The following SGMS1 variants were observed in gnomAD, a reference collection of about 807,000 sequenced individuals.
SGMS1 encodes sphingomyelin synthase 1, also known as phosphatidylcholine:ceramide cholinephosphotransferase 1.
Under a neutral mutation model 46.2 loss-of-function variants are expected in SGMS1, and 13 were observed. The observed-to-expected ratio is 0.28, with a 90% CI of 0.18 to 0.45. The LOEUF is 0.45. SGMS1 is among the 20% of genes least tolerant of loss of function. The probability of loss-of-function intolerance (pLI) is 1.00; values close to 1 mark genes in which losing one functional copy is unlikely to be tolerated. For missense variants in SGMS1, 324 were observed against 519.9 expected, an observed-to-expected ratio of 0.62 and a Z score of 3.66; for synonymous variants, 203 against 187.8, an observed-to-expected ratio of 1.08 and a Z score of -0.66.
intron 6 of SGMS1, among the ~76,000 whole-genome samples, chr10:50,360,326 A>C (rs1368569502): frequency 6.6e-6 from 1 of 152,220 alleles, no homozygotes; most frequent in Non-Finnish European, 1.5e-5. Flanking sequence ...ACAATAAGCT[A>C]TTAGCTTTAC....
intron 7 of SGMS1, among the ~76,000 whole-genome samples, chr10:50,327,914 C>G (rs1847555792): frequency 6.6e-6 from 1 of 152,096 alleles, no homozygotes; most frequent in South Asian, 2.1e-4. Flanking sequence ...ATTTACTTCT[C>G]TGAATCTCAA....
chr10:50,547,028 G>A (rs541295557), intron 2 of SGMS1, among the ~76,000 whole-genome samples: 85 of 152,162 alleles, frequency 5.6e-4, no homozygotes, highest in African/African-American at 2.0e-3. Flanking sequence ...GTTCAGAAAT[G>A]AGCCTAACAG....
chr10:50,464,391 A>C (rs1431436430), intron 4 of SGMS1, among the ~76,000 whole-genome samples: 1 of 152,152 alleles, frequency 6.6e-6, no homozygotes, highest in Admixed American at 6.5e-5. Flanking sequence ...AAGAACAAGG[A>C]AAGGTACTCT....
chr10:50,336,267 C>G (rs1432100905), intron 7 of SGMS1: 1 of 152,256 alleles, frequency 6.6e-6, no homozygotes, highest in African/African-American at 2.4e-5. Context: ...AGGCTCTGAG[C>G]CTAGATAGAT....
intron 2 of SGMS1, among the ~76,000 whole-genome samples, chr10:50,570,285 T>C (rs573628414): frequency 6.6e-6 from 1 of 152,316 alleles, no homozygotes; most frequent in East Asian, 1.9e-4. Flanking sequence ...GGCTCAATTA[T>C]GCAAACATCA....
chr10:50,368,904 A>T (rs1589410099), intron 6 of SGMS1, among the ~76,000 whole-genome samples: 2 of 152,234 alleles, frequency 1.3e-5, no homozygotes, highest in African/African-American at 4.8e-5. Flanking sequence ...GAAAGCCTTG[A>T]TTATATATTA....
intron 2 of SGMS1, among the ~76,000 whole-genome samples, chr10:50,569,170 G>C (rs1055480555): frequency 2.0e-5 from 3 of 151,838 alleles, no homozygotes; most frequent in African/African-American, 7.3e-5. Flanking sequence ...GAGCCTAGGG[G>C]AGGGATAGCA....
chr10:50,392,136 G>A (rs78495672), intron 6 of SGMS1, among the ~76,000 whole-genome samples: 2 of 150,636 alleles, frequency 1.3e-5, no homozygotes, highest in Admixed American at 6.6e-5. Flanking sequence ...CCCATGACAC[G>A]CAATTTACCT....
intron 6 of SGMS1, among the ~76,000 whole-genome samples, chr10:50,354,524 G>T (rs148476864): frequency 0.027 from 4,116 of 152,240 alleles, 198 homozygotes; most frequent in African/African-American, 0.095. Flanking sequence ...TCAGGACACA[G>T]GCATGGGCAA....
intron 5 of SGMS1, among the ~76,000 whole-genome samples, chr10:50,448,286 C>T (rs1056338974): frequency 6.6e-6 from 1 of 152,056 alleles, no homozygotes; most frequent in Non-Finnish European, 1.5e-5. Flanking sequence ...TCTTCTAAAA[C>T]AATATAAGAA....
intron 6 of SGMS1, among the ~76,000 whole-genome samples, chr10:50,380,262 C>T (rs1589415726): frequency 6.6e-6 from 1 of 151,586 alleles, no homozygotes; most frequent in Non-Finnish European, 1.5e-5. Flanking sequence ...GTGCCTGTAG[C>T]CCCAGCTACC....
chr10:50,387,843 C>T (rs1349412777), intron 6 of SGMS1, among the ~76,000 whole-genome samples: 2 of 152,134 alleles, frequency 1.3e-5, no homozygotes, highest in African/African-American at 4.8e-5. Flanking sequence ...AAGTGATGTA[C>T]AGAAAGTGGA....
chr10:50,326,173 A>T (rs958036174), intron 8 of SGMS1, among the ~76,000 whole-genome samples: 4 of 152,052 alleles, frequency 2.6e-5, no homozygotes, highest in African/African-American at 9.7e-5. Context: ...TAAAAAAATT[A>T]AAAAATTAAA....
intron 6 of SGMS1, among the ~76,000 whole-genome samples, chr10:50,380,770 C>T (rs1020754365): frequency 1.5e-5 from 2 of 131,796 alleles, no homozygotes; most frequent in Non-Finnish European, 3.3e-5. Flanking sequence ...AACTAGCTCA[C>T]ACTCTCTTTT....
At chr10:50,533,585 C>T (rs1051291973) in intron 2 of SGMS1, among the ~76,000 whole-genome samples, 10 of 152,078 alleles carry the variant, frequency 6.6e-5, no homozygotes, top group Non-Finnish European at 1.0e-4. Context: ...TTTGAATCAT[C>T]AATTGTTTAC....
intron 6 of SGMS1, among the ~76,000 whole-genome samples, chr10:50,382,011 C>T (rs2339401): frequency 0.38 from 57,773 of 152,072 alleles, 11,212 homozygotes; most frequent in African/African-American, 0.45. Context: ...GTTGTCTTTT[C>T]CTTTCCTTTC....
At chr10:50,364,953 C>T (rs932025007) in intron 6 of SGMS1, among the ~76,000 whole-genome samples, 2 of 152,034 alleles carry the variant, frequency 1.3e-5, no homozygotes, top group Admixed American at 6.6e-5. Context: ...CCAGTCACCA[C>T]GCCTAACAAA....
intron 5 of SGMS1, among the ~76,000 whole-genome samples, chr10:50,455,511 A>G (rs1213716867): frequency 6.6e-6 from 1 of 152,330 alleles, no homozygotes; most frequent in East Asian, 1.9e-4. Context: ...CCAATTGTAA[A>G]TTAGCCATTG....
At chr10:50,512,456 G>A (rs1216341015) in intron 3 of SGMS1, among the ~76,000 whole-genome samples, 1 of 152,188 alleles carries the variant, frequency 6.6e-6, no homozygotes, top group Non-Finnish European at 1.5e-5. Flanking sequence ...TGCTATGGAA[G>A]TCAGCTAGGA....
Sources: gnomAD v4.1 joint callset for allele counts (sites outside exome capture counted in the v4.1 genomes callset) on GRCh38, gnomAD v4.1.1 for gene constraint, MANE v1.5 for transcripts, NCBI Gene and HGNC (gene_info 2026-07-23, HGNC 2026-07-21) for gene names.